Variants in SDK1 observed in about 807,000 individuals in gnomAD.
The protein encoded by SDK1 is sidekick cell adhesion molecule 1.
In SDK1, 157 loss-of-function variants were observed where a neutral mutation model predicts 245.5. That is an observed-to-expected ratio of 0.64 (90% CI 0.56 to 0.73). SDK1 has a LOEUF of 0.73. Ranked by LOEUF, SDK1 falls within the 30% of genes least tolerant of loss-of-function variation. SDK1 has a pLI of 0.00. For missense variants in SDK1, 3,583 were observed against 3,002.3 expected (o/e 1.19, Z -4.52); for synonymous variants, 1,647 against 1,278.5 (o/e 1.29, Z -6.15).
intron 1 of SDK1, among the ~76,000 whole-genome samples, chr7:3,605,563 A>G (rs931433890): frequency 2.0e-5 from 3 of 152,192 alleles, no homozygotes; most frequent in Admixed American, 6.6e-5. Context: ...TGATTCCATT[A>G]TATATTTAGG....
chr7:3,797,584 G>C (rs549385072), intron 4 of SDK1, among the ~76,000 whole-genome samples: 1 of 151,650 alleles, frequency 6.6e-6, no homozygotes, highest in Non-Finnish European at 1.5e-5. Context: ...AAAAATCATG[G>C]AACCCCATTT....
chr7:3,423,169 C>G (rs953560745), intron 1 of SDK1, among the ~76,000 whole-genome samples: 1 of 152,148 alleles, frequency 6.6e-6, no homozygotes, highest in African/African-American at 2.4e-5. Context: ...AGAACTGTCA[C>G]CTTTTCCATA....
At chr7:4,094,453 C>G (rs1488622785) in intron 22 of SDK1, among the ~76,000 whole-genome samples, 1 of 152,210 alleles carries the variant, frequency 6.6e-6, no homozygotes, top group African/African-American at 2.4e-5. Flanking sequence ...ACTCACCCCT[C>G]CAATCCCCAT....
At chr7:3,527,570 G>C (rs1178186633) in intron 1 of SDK1, among the ~76,000 whole-genome samples, 2 of 152,196 alleles carry the variant, frequency 1.3e-5, no homozygotes, top group African/African-American at 4.8e-5. Context: ...AGGAGTTGAG[G>C]CTGGATCATA....
At chr7:3,426,316 G>T (rs1779675064) in intron 1 of SDK1, among the ~76,000 whole-genome samples, 1 of 152,168 alleles carries the variant, frequency 6.6e-6, no homozygotes. Context: ...AGTGATAAGG[G>T]TGCTAAGTGC....
chr7:3,519,436 T>G (rs533263040), intron 1 of SDK1, among the ~76,000 whole-genome samples: 1 of 149,460 alleles, frequency 6.7e-6, no homozygotes, highest in African/African-American at 2.6e-5. Flanking sequence ...GTGTGAGCCT[T>G]GCTACCCAAC....
chr7:3,831,279 G>A (rs549732840), intron 5 of SDK1, among the ~76,000 whole-genome samples: 4 of 152,280 alleles, frequency 2.6e-5, no homozygotes, highest in Non-Finnish European at 5.9e-5. Context: ...ATACAGCGAT[G>A]ATTCTGGTGA....
intron 5 of SDK1, among the ~76,000 whole-genome samples, chr7:3,884,957 G>T (rs997757856): frequency 2.0e-5 from 3 of 152,210 alleles, no homozygotes; most frequent in Non-Finnish European, 4.4e-5. Context: ...CTCCAGAGCG[G>T]TGCTGCGCAA....
chr7:3,738,746 CCTTT>C (rs1157815833), intron 4 of SDK1, among the ~76,000 whole-genome samples: 2 of 151,906 alleles, frequency 1.3e-5, no homozygotes, highest in African/African-American at 4.8e-5. Context: ...TCGTTTGCCT[CCTTT>C]CTTAAGTTTA....
chr7:4,082,534 C>CA (rs1300321399), intron 22 of SDK1, among the ~76,000 whole-genome samples: 4,265 of 108,622 alleles, frequency 0.039, 96 homozygotes, highest in Admixed American at 0.079. Flanking sequence ...GATTCTGTCT[C>CA]AAAAAAAAAA....
At chr7:3,700,709 T>C (rs931029504) in intron 4 of SDK1, among the ~76,000 whole-genome samples, 3 of 152,172 alleles carry the variant, frequency 2.0e-5, no homozygotes, top group Non-Finnish European at 4.4e-5. Flanking sequence ...CCCATAATTA[T>C]AGTAAGTGTA....
rs1321264317 is a variant in SDK1, at chr7:3,775,969, G to A, written c.714-45481G>A. ...CAGTATTTGCACTGATTCTCGAAAC[G>A]AGTGAATCTTCCACCAGTCCCTAAC... On this transcript the variant is annotated intron_variant, in intron 4 of 44. Transcript: ENST00000404826. Among the ~76,000 whole-genome samples the A allele has an allele frequency of 3.9e-5, 6 of 152,218 alleles. No homozygotes were observed. In the East Asian group the frequency reaches 7.7e-4, roughly 20 times the overall value.
chr7:3,959,313 C>T (rs1025917779), intron 8 of SDK1, among the ~76,000 whole-genome samples: 3 of 152,146 alleles, frequency 2.0e-5, no homozygotes, highest in African/African-American at 4.8e-5. Context: ...ACTCCCCTTC[C>T]AAGGCCCTGA....
At position 4,210,099 on chromosome 7, in the gene SDK1, G is replaced by A. The variant is rs1784435636; in HGVS notation, c.5476G>A (p.Ala1826Thr). ...GCTCAACGTGTCCTGGGGCGAGCCT[G>A]CGGCGGCCAACGGCATCCTGCAGGG... ...TTLNVSWGEPAAANGILQGYR... is the reference protein window; with the variant it reads ...TTLNVSWGEPTAANGILQGYR... Residue 1826 changes from alanine (A) to threonine (T), a missense_variant, in exon 38 of 45, where the codon GCG becomes ACG. Transcript: ENST00000404826. The A allele has an allele frequency of 6.2e-7, 1 of 1,610,600 alleles. No homozygotes were observed. Among genetic ancestry groups the A allele is most frequent in the East Asian group, 2.2e-5 (1 of 44,770 alleles).
chr7:3,851,392 A>G (rs1214455082), intron 5 of SDK1, among the ~76,000 whole-genome samples: 1 of 152,234 alleles, frequency 6.6e-6, no homozygotes, highest in Non-Finnish European at 1.5e-5. Flanking sequence ...TATTTAGCAT[A>G]TTTAAAATCT....
At position 3,808,840 on chromosome 7, in the gene SDK1, C is replaced by T. The variant is rs189303643; in HGVS notation, c.714-12610C>T. ...ACAAATGCCATACCTATCGTAGTAGCGTTCAGAAAGAAAAAAAAATCATTA... is the reference window on the plus strand; with the variant it reads ...ACAAATGCCATACCTATCGTAGTAGTGTTCAGAAAGAAAAAAAAATCATTA... On this transcript the variant is annotated intron_variant, in intron 4 of 44. Coordinates refer to ENST00000404826, the MANE Select transcript of SDK1 (RefSeq NM_152744.4). Among the ~76,000 whole-genome samples, 43 of 152,068 alleles carry T rather than the reference C, an allele frequency of 2.8e-4. 1 individual carries two copies. Among genetic ancestry groups the T allele is most frequent in the African/African-American group, 8.9e-4 (37 of 41,468 alleles).
At chr7:3,750,343 T>C (rs1779738924) in intron 4 of SDK1, among the ~76,000 whole-genome samples, 1 of 152,224 alleles carries the variant, frequency 6.6e-6, no homozygotes, top group African/African-American at 2.4e-5. Context: ...TACTATCCTG[T>C]GCTCAATCCA....
intron 1 of SDK1, among the ~76,000 whole-genome samples, chr7:3,557,170 G>T (rs1779614821): frequency 6.6e-6 from 1 of 151,926 alleles, no homozygotes; most frequent in Admixed American, 6.6e-5. Context: ...CAAAAACCTG[G>T]TCCTTTAAAA....
At chr7:4,115,643 T>C (rs1158221086) in intron 25 of SDK1, among the ~76,000 whole-genome samples, 2 of 152,158 alleles carry the variant, frequency 1.3e-5, no homozygotes, top group African/African-American at 4.8e-5. Context: ...AGAATCGCTC[T>C]TGAAGCTGGG....
Sources: gnomAD v4.1 joint callset for allele counts (sites outside exome capture counted in the v4.1 genomes callset) on GRCh38, gnomAD v4.1.1 for gene constraint, MANE v1.5 for transcripts, NCBI Gene and HGNC (gene_info 2026-07-23, HGNC 2026-07-21) for gene names.